ZNF385C: variants seen among roughly 807,000 people sequenced by gnomAD.
The protein encoded by ZNF385C is zinc finger protein 385C, also known as CTD-2132N18.2.
ZNF385C carries 28 observed loss-of-function variants against 35.4 expected under a neutral mutation model. The ratio of observed to expected loss-of-function variants is 0.79; its 90% CI spans 0.59 to 1.08. The LOEUF (loss-of-function observed/expected upper bound fraction) is 1.08. Among genes scored for constraint, ZNF385C ranks in the 50% least tolerant of loss-of-function variants. ZNF385C has a pLI of 0.00. For synonymous variants in ZNF385C, 248 were observed against 248.2 expected, an observed-to-expected ratio of 1.00 and a Z score of 0.01; for missense variants, 605 against 595.6, an observed-to-expected ratio of 1.02 and a Z score of -0.16.
intron 2 of ZNF385C, chr17:42,039,917 C>T: frequency 8.1e-7 from 1 of 1,231,308 alleles, no homozygotes; most frequent in African/African-American, 1.5e-5. Flanking sequence ...GCGGGCAGCG[C>T]CAAAGCCAAG....
chr17:42,074,669 G>A (rs1555659102), intron 1 of ZNF385C, among the ~76,000 whole-genome samples: 2 of 152,212 alleles, frequency 1.3e-5, no homozygotes, highest in African/African-American at 2.4e-5. Context: ...GATTACAGGC[G>A]TGAGCCACCG....
At chr17:42,069,761 G>T (rs1348023348) in intron 1 of ZNF385C, among the ~76,000 whole-genome samples, 1 of 152,256 alleles carries the variant, frequency 6.6e-6, no homozygotes, top group Admixed American at 6.5e-5. Context: ...AAAGAGAGGG[G>T]GCCAGGCGTG....
chr17:42,071,197 A>AG (rs56402900), intron 1 of ZNF385C, among the ~76,000 whole-genome samples: 48,127 of 152,044 alleles, frequency 0.32, 8,534 homozygotes, highest in African/African-American at 0.46. Flanking sequence ...CACCCAAGGC[A>AG]CCATGTCTGT....
intron 2 of ZNF385C, among the ~76,000 whole-genome samples, chr17:42,042,633 T>C (rs2053052305): frequency 6.6e-6 from 1 of 152,202 alleles, no homozygotes; most frequent in Non-Finnish European, 1.5e-5. Context: ...CTAAGAGGCC[T>C]GGTCTGGCCT....
At chr17:42,061,820 A>T (rs1555658035) in intron 2 of ZNF385C, 1 of 152,806 alleles carries the variant, frequency 6.5e-6, no homozygotes, top group African/African-American at 2.4e-5. Context: ...CCATGTGGCA[A>T]CCACAACCCT....
chr17:42,035,241 G>T (rs1783796239), intron 3 of ZNF385C, among the ~76,000 whole-genome samples: 1 of 151,974 alleles, frequency 6.6e-6, no homozygotes, highest in Non-Finnish European at 1.5e-5. Flanking sequence ...TGGAAGCAGG[G>T]GAATGGCCAG....
intron 1 of ZNF385C, among the ~76,000 whole-genome samples, chr17:42,069,995 T>C (rs2053601340): frequency 6.6e-6 from 1 of 151,478 alleles, no homozygotes; most frequent in African/African-American, 2.4e-5. Context: ...TGAGCCGAGA[T>C]TGCACCACTG....
chr17:42,027,387 G>GAGATGC, intron 8 of ZNF385C, among the ~76,000 whole-genome samples: 1 of 152,148 alleles, frequency 6.6e-6, no homozygotes, highest in African/African-American at 2.4e-5. Context: ...TGGTCTCTAG[G>GAGATGC]AGATGCACGC....
At chr17:42,039,830 G>A (rs955388431) in intron 2 of ZNF385C, 18 of 1,231,894 alleles carry the variant, frequency 1.5e-5, no homozygotes, top group Non-Finnish European at 1.6e-5. Flanking sequence ...TGGCCCCCCC[G>A]GCCTTCCCCG....
At chr17:42,076,214 C>T (rs2053682567) in intron 1 of ZNF385C, among the ~76,000 whole-genome samples, 1 of 152,210 alleles carries the variant, frequency 6.6e-6, no homozygotes. Context: ...CAAAACACTG[C>T]CGTCTATTGT....
chr17:42,041,028 G>A, intron 2 of ZNF385C: 2 of 1,232,346 alleles, frequency 1.6e-6, no homozygotes, highest in East Asian at 6.3e-5. Flanking sequence ...TGCCCAGGAA[G>A]GTGGTGGCGG....
Position 42,028,770 on chromosome 17 carries a change from T to A in ZNF385C, c.967+13A>T, listed in dbSNP as rs192247042. On this transcript the variant is annotated intron_variant, in intron 6 of 8. Coordinates refer to ENST00000692273, the MANE Select transcript of ZNF385C (RefSeq NM_001392013.1). Reference sequence around the variant, plus strand: ...CACCCTTTCCCTGGGCTCCAGCTCCTGGGACTACTGACCTGTGTTGTGAGC... The same window carrying A: ...CACCCTTTCCCTGGGCTCCAGCTCCAGGGACTACTGACCTGTGTTGTGAGC... The A allele has an allele frequency of 7.6e-5, 117 of 1,542,022 alleles. No homozygotes were observed. The East Asian group carries it at 2.4e-3, about 31-fold the overall frequency.
At chr17:42,084,334 A>C (rs1263807476) in intron 1 of ZNF385C, among the ~76,000 whole-genome samples, 2 of 151,878 alleles carry the variant, frequency 1.3e-5, no homozygotes, top group East Asian at 1.9e-4. Flanking sequence ...AAAAAAAAAA[A>C]AAACCCAAAA....
intron 2 of ZNF385C, among the ~76,000 whole-genome samples, chr17:42,059,749 G>A (rs1306849824): frequency 6.6e-6 from 1 of 152,208 alleles, no homozygotes; most frequent in Non-Finnish European, 1.5e-5. Context: ...AGCCTCGCCA[G>A]TAACTGGGAT....
intron 1 of ZNF385C, among the ~76,000 whole-genome samples, chr17:42,086,980 C>A (rs1400256319): frequency 6.6e-6 from 1 of 151,698 alleles, no homozygotes; most frequent in Non-Finnish European, 1.5e-5. Flanking sequence ...ACCACCACGC[C>A]CGGCTAATTT....
chr17:42,036,641 G>C (rs1194228253), intron 3 of ZNF385C, among the ~76,000 whole-genome samples: 4 of 152,240 alleles, frequency 2.6e-5, no homozygotes, highest in African/African-American at 9.6e-5. Flanking sequence ...AGAACAGAAA[G>C]TGGTTCAAAT....
intron 8 of ZNF385C, 75 bp downstream of exon 8, chr17:42,027,543 C>A (rs782282939): frequency 2.7e-5 from 27 of 1,003,566 alleles, no homozygotes; most frequent in African/African-American, 3.3e-5. Flanking sequence ...CCACCGCAGC[C>A]CCCCCATCTG....
At chr17:42,046,298 A>G (rs1209014646) in intron 2 of ZNF385C, among the ~76,000 whole-genome samples, 1 of 152,136 alleles carries the variant, frequency 6.6e-6, no homozygotes, top group Non-Finnish European at 1.5e-5. Flanking sequence ...TTGGTTGTTT[A>G]AAAGAATGAA....
intron 1 of ZNF385C, among the ~76,000 whole-genome samples, chr17:42,075,734 T>A (rs1045858197): frequency 6.6e-6 from 1 of 152,206 alleles, no homozygotes; most frequent in African/African-American, 2.4e-5. Context: ...GACCTCATGA[T>A]CCACCTGCCT....
Sources: allele counts gnomAD v4.1 joint callset (sites outside exome capture counted in the v4.1 genomes callset), GRCh38; gene constraint gnomAD v4.1.1; transcripts MANE v1.5; gene names NCBI Gene and HGNC (gene_info 2026-07-23, HGNC 2026-07-21).